The following WNK2 variants were observed in gnomAD, a reference collection of about 807,000 sequenced individuals.
WNK2 encodes the protein WNK lysine deficient protein kinase 2.
A neutral mutation model predicts 192.1 loss-of-function variants in WNK2; 67 were observed. That is an observed-to-expected ratio of 0.35 (90% CI 0.29 to 0.43). The LOEUF is 0.43. WNK2 is among the 20% of genes least tolerant of loss of function. The pLI is 1.00. For missense variants in WNK2, 2,698 were observed against 3,089.7 expected (o/e 0.87, Z 3.01); for synonymous variants, 1,439 against 1,393.9 (o/e 1.03, Z -0.72).
intron 2 of WNK2, among the ~76,000 whole-genome samples, chr9:93,214,696 TGC>T (rs1835384723): frequency 2.4e-5 from 1 of 40,900 alleles, no homozygotes; most frequent in African/African-American, 1.4e-4. Flanking sequence ...TTGAAGGTAG[TGC>T]CCCCCCCCCC....
chr9:93,243,949 A>G (rs529742538), intron 7 of WNK2, among the ~76,000 whole-genome samples: 1 of 152,262 alleles, frequency 6.6e-6, no homozygotes, highest in African/African-American at 2.4e-5. Flanking sequence ...ATCTGAGATT[A>G]GGCCGGGTGC....
At chr9:93,261,511 T>C (rs1183397062) in intron 12 of WNK2, among the ~76,000 whole-genome samples, 1 of 152,226 alleles carries the variant, frequency 6.6e-6, no homozygotes, top group Non-Finnish European at 1.5e-5. Flanking sequence ...GCTTTGATGC[T>C]GTGTGTCCTG....
chr9:93,317,655 A>G (rs1323735186), intron 29 of WNK2, 24 bp downstream of exon 29: 2 of 1,605,018 alleles, frequency 1.2e-6, no homozygotes, highest in Non-Finnish European at 1.7e-6. Context: ...CAACCTCCCA[A>G]CCCCACCCTG....
chr9:93,293,149 A>T lies in WNK2; in HGVS notation c.5684A>T (p.Lys1895Met). 1 of 1,547,192 alleles carries T rather than the reference A, an allele frequency of 6.5e-7. No homozygotes were observed. The highest frequency in any genetic ancestry group is 8.7e-7 in the Non-Finnish European group (1 of 1,148,860). Residue 1895 changes from lysine to methionine, a missense_variant, in exon 23 of 30, where the codon AAG becomes ATG. By Grantham distance (95) the Lys-to-Met change is moderately conservative (BLOSUM62 -1). Around this residue, in one of 7 missense-constraint regions of WNK2, gnomAD observed 1,098 missense variants for 1,101.0 expected, o/e 1.00. Coordinates refer to ENST00000427277, the MANE Select transcript of WNK2 (RefSeq NM_006648.4). Reference sequence around the variant, plus strand: ...GAGCTCGAGGATGCTGACATAAAGAAGGAGCTGCAGAGTCTGCGGGAGAAG... The same window carrying T: ...GAGCTCGAGGATGCTGACATAAAGATGGAGCTGCAGAGTCTGCGGGAGAAG... ...DSELEDADIK[K>M]ELQSLREKHL...
chr9:93,221,554 A>G (rs59343505), intron 2 of WNK2, among the ~76,000 whole-genome samples: 133 of 152,308 alleles, frequency 8.7e-4, no homozygotes, highest in African/African-American at 3.1e-3. Context: ...ACCCCAAGTA[A>G]TTGGCACAAG....
chr9:93,308,285 C>T (rs1381981840), intron 27 of WNK2, 43 bp from the exon 28 acceptor site: 10 of 1,530,208 alleles, frequency 6.5e-6, no homozygotes, highest in South Asian at 3.7e-5. Context: ...GGCCTGGGTG[C>T]GTGTGTGGCG....
At position 93,292,239 on chromosome 9, in the gene WNK2, G is replaced by A. The variant is rs1239571503; in HGVS notation, c.4937-69G>A. Reference sequence around the variant, plus strand: ...ATGGGATCACTTTGGGCTGCTTCGGGTCAGCTGTGAGCCATCTCTGCCTCT... The same window carrying A: ...ATGGGATCACTTTGGGCTGCTTCGGATCAGCTGTGAGCCATCTCTGCCTCT... On this transcript the variant is annotated intron_variant, in intron 21 of 29. Transcript: ENST00000427277. The A allele has an allele frequency of 5.1e-6, 8 of 1,565,122 alleles. No individual in the cohort carries two copies. The African/African-American group carries it at 1.1e-4, about 21-fold the overall frequency.
chr9:93,221,728 G>A (rs146590859), intron 2 of WNK2, among the ~76,000 whole-genome samples: 4 of 152,188 alleles, frequency 2.6e-5, no homozygotes, highest in South Asian at 4.1e-4. Flanking sequence ...GCTAGATTCC[G>A]ATAGGAATGA....
At chr9:93,226,712 G>T (rs980508865) in intron 2 of WNK2, among the ~76,000 whole-genome samples, 1 of 152,290 alleles carries the variant, frequency 6.6e-6, no homozygotes, top group East Asian at 1.9e-4. Flanking sequence ...ACATGAAGAT[G>T]GGGGTCCTAC....
At position 93,318,843 on chromosome 9, in the gene WNK2, C is replaced by T; in HGVS notation, c.6628+1212C>T. 2.1e-6 allele frequency: 3 copies of T among 1,401,084 alleles called. No homozygotes were observed. In the South Asian group the frequency reaches 5.2e-5, roughly 24 times the overall value. The allele number at this position is 1,401,084 out of a possible 1,614,324, so 86.8% of individuals were successfully genotyped here. On this transcript the variant is annotated intron_variant, in intron 29 of 29. Transcript: ENST00000427277. ...ACAGCCCTTGGTGGGAGGGGAAGGC[C>T]CCAGCCTCCTCCACCTCCCACTGGA...
intron 28 of WNK2, among the ~76,000 whole-genome samples, chr9:93,313,768 A>C (rs1385472684): frequency 6.6e-6 from 1 of 152,222 alleles, no homozygotes; most frequent in Non-Finnish European, 1.5e-5. Context: ...AGTTCATCAT[A>C]TATCTTTTGT....
intron 14 of WNK2, 122 bp from the exon 15 acceptor site, chr9:93,263,444 T>C (rs1844617652): frequency 7.7e-6 from 10 of 1,294,238 alleles, no homozygotes; most frequent in Admixed American, 2.0e-5. Flanking sequence ...ACGGGCTGCC[T>C]CTGTAGGTCA....
At position 93,239,738 on chromosome 9, in the gene WNK2, T is replaced by A. The variant is rs1840436808; in HGVS notation, c.1323-19T>A. 1 of 1,541,094 alleles carries A rather than the reference T, an allele frequency of 6.5e-7. No homozygotes were observed. Among genetic ancestry groups the A allele is most frequent in the South Asian group, 1.2e-5 (1 of 83,878 alleles). Reference sequence around the variant, plus strand: ...GCCCTGGCGCCCGTGCCCCTGCCTGTCAGCTGCTCTCCCTCCAGGTACGAG... The same window carrying A: ...GCCCTGGCGCCCGTGCCCCTGCCTGACAGCTGCTCTCCCTCCAGGTACGAG... On this transcript the variant is annotated intron_variant, in intron 6 of 29. Coordinates refer to ENST00000427277, the MANE Select transcript of WNK2 (RefSeq NM_006648.4). This position sits in a 1 kb window ranked among gnomAD's most constrained non-coding sequence, Gnocchi z 4.2.
rs990106432 is a variant in WNK2 at position 93,259,860 on chromosome 9, C to T, written c.3066+246C>T. On this transcript the variant is annotated intron_variant, in intron 12 of 29. Coordinates refer to ENST00000427277, the MANE Select transcript of WNK2 (RefSeq NM_006648.4). The surrounding 1 kb of genome is among the most constrained non-coding windows in gnomAD (Gnocchi z 4.8). ...GTGCCTGATAGGTTCTGTGTCCCTA[C>T]CTTCCCATGGCTCTGTGGCCCCTGC... Among the ~76,000 whole-genome samples the T allele has an allele frequency of 4.6e-5, 7 of 152,254 alleles. No homozygotes were observed. The highest frequency in any genetic ancestry group is 6.5e-5 in the Admixed American group (1 of 15,294).
chr9:93,318,853 T>A, intron 29 of WNK2: 1 of 1,400,084 alleles, frequency 7.1e-7, no homozygotes, highest in Non-Finnish European at 9.3e-7. Context: ...CCCAGCCTCC[T>A]CCACCTCCCA....
At chr9:93,274,064 C>T (rs1345994428) in intron 19 of WNK2, among the ~76,000 whole-genome samples, 3 of 152,102 alleles carry the variant, frequency 2.0e-5, no homozygotes, top group Non-Finnish European at 4.4e-5. Flanking sequence ...AAAATAAATC[C>T]GAAGCAAGCA....
chr9:93,240,663 TAGG>T (rs1840614171), intron 7 of WNK2, among the ~76,000 whole-genome samples: 1 of 151,506 alleles, frequency 6.6e-6, no homozygotes, highest in Non-Finnish European at 1.5e-5. Flanking sequence ...GGTGCAGTGG[TAGG>T]AGGAGAGGCC....
chr9:93,311,613 T>TGTGTGTGTG (rs1853656307), intron 28 of WNK2, among the ~76,000 whole-genome samples: 2 of 146,076 alleles, frequency 1.4e-5, no homozygotes, highest in East Asian at 2.0e-4. Flanking sequence ...GTTTTTTTGT[T>TGTGTGTGTG]TGTGTGTGTG....
At chr9:93,246,099 A>G (rs1306593859) in intron 7 of WNK2, among the ~76,000 whole-genome samples, 2 of 152,134 alleles carry the variant, frequency 1.3e-5, no homozygotes, top group African/African-American at 2.4e-5. Context: ...TGCCACCCCC[A>G]TATGCAAAAT....
Sources: allele counts gnomAD v4.1 joint callset (sites outside exome capture counted in the v4.1 genomes callset), GRCh38; gene constraint gnomAD v4.1.1; regional missense constraint gnomAD v4.1.1; non-coding constraint Gnocchi (gnomAD v3.1); transcripts MANE v1.5; gene names NCBI Gene and HGNC (gene_info 2026-07-23, HGNC 2026-07-21).